Variants in NDC80 observed in about 807,000 individuals in gnomAD.
NDC80 encodes the protein NDC80 kinetochore complex component, also known as kinetochore protein NDC80 homolog.
Under a neutral mutation model 89.3 loss-of-function variants are expected in NDC80, and 69 were observed. The ratio of observed to expected loss-of-function variants is 0.77; its 90% CI spans 0.64 to 0.94. NDC80 has a LOEUF of 0.94. Ranked by LOEUF, NDC80 falls within the 40% of genes least tolerant of loss-of-function variation. The probability of loss-of-function intolerance (pLI) is 0.00; values close to 1 mark genes in which losing one functional copy is unlikely to be tolerated. For missense variants in NDC80, 593 were observed against 739.6 expected (o/e 0.80, Z 2.30); for synonymous variants, 243 against 255.6 (o/e 0.95, Z 0.47).
intron 7 of NDC80, among the ~76,000 whole-genome samples, chr18:2,586,739 A>G: frequency 6.8e-6 from 1 of 146,962 alleles, no homozygotes; most frequent in East Asian, 2.0e-4. Context: ...CAAAAAAAAA[A>G]GTGTTAAATG....
At chr18:2,572,375 T>C (rs916940488) in intron 1 of NDC80, among the ~76,000 whole-genome samples, 2 of 152,208 alleles carry the variant, frequency 1.3e-5, no homozygotes, top group Non-Finnish European at 1.5e-5. Context: ...TAATGTGGTT[T>C]GTAAATGGAG....
intron 1 of NDC80, among the ~76,000 whole-genome samples, chr18:2,572,673 G>C (rs925845464): frequency 9.9e-5 from 15 of 152,212 alleles, no homozygotes; most frequent in African/African-American, 3.6e-4. Context: ...GGATACCCTT[G>C]TGAAGGCAAA....
At chr18:2,600,034 T>C (rs963675145) in intron 12 of NDC80, among the ~76,000 whole-genome samples, 2 of 152,128 alleles carry the variant, frequency 1.3e-5, no homozygotes, top group African/African-American at 4.8e-5. Flanking sequence ...AAAAAATACA[T>C]CCAGTAAACA....
At chr18:2,579,804 G>A (rs549439365) in intron 6 of NDC80, among the ~76,000 whole-genome samples, 130 of 152,200 alleles carry the variant, frequency 8.5e-4, no homozygotes, top group African/African-American at 2.6e-3. Context: ...GATACATACC[G>A]ACAAATTTTT....
At chr18:2,573,188 G>T in intron 2 of NDC80, 102 bp downstream of exon 2, 1 of 918,946 alleles carries the variant, frequency 1.1e-6, no homozygotes, top group Non-Finnish European at 1.6e-6. Context: ...GTGATGTCTT[G>T]GTGAATCTTG....
At chr18:2,586,017 T>C (rs1466622234) in intron 7 of NDC80, among the ~76,000 whole-genome samples, 1 of 152,260 alleles carries the variant, frequency 6.6e-6, no homozygotes, top group East Asian at 1.9e-4. Context: ...CCAAAAGTGG[T>C]TGAGATAAAG....
intron 16 of NDC80, among the ~76,000 whole-genome samples, chr18:2,612,868 A>G (rs2072752761): frequency 1.3e-5 from 2 of 152,276 alleles, no homozygotes; most frequent in African/African-American, 4.8e-5. Flanking sequence ...GCTTTCATAA[A>G]ATATGGAAGA....
At chr18:2,573,664 A>G (rs1174711183) in intron 2 of NDC80, among the ~76,000 whole-genome samples, 1 of 152,246 alleles carries the variant, frequency 6.6e-6, no homozygotes, top group Admixed American at 6.5e-5. Context: ...ATTCTTCTCT[A>G]GTACCGAGGT....
At chr18:2,579,557 A>C (rs1427895831) in intron 6 of NDC80, among the ~76,000 whole-genome samples, 1 of 152,016 alleles carries the variant, frequency 6.6e-6, no homozygotes, top group Non-Finnish European at 1.5e-5. Flanking sequence ...CCTCCTGAGT[A>C]GCTGGGATTA....
At position 2,573,077 on chromosome 18, in the gene NDC80, C is replaced by G. The variant is rs371386396; in HGVS notation, c.92C>G (p.Thr31Ser). 4.6e-5 allele frequency: 74 copies of G among 1,612,560 alleles called. No homozygotes were observed. The highest frequency in any genetic ancestry group is 5.8e-5 in the Non-Finnish European group (68 of 1,179,096). The change falls in exon 2 of 17, where the codon ACC becomes AGC. Residue 31 changes from threonine to serine, a missense_variant. By Grantham distance (58) the Thr-to-Ser change is moderately conservative (BLOSUM62 1). Coordinates refer to ENST00000261597, the MANE Select transcript of NDC80 (RefSeq NM_006101.3). Reference protein sequence around the residue: ...SQDVNKQGLYTPQTKEKPTFG... With the variant: ...SQDVNKQGLYSPQTKEKPTFG... ...GATGTAAATAAACAAGGCCTCTATACCCCTCAAACGTGAGTATTTCCCTTG... is the reference window on the plus strand; with the variant it reads ...GATGTAAATAAACAAGGCCTCTATAGCCCTCAAACGTGAGTATTTCCCTTG...
At chr18:2,585,695 G>A (rs1271493801) in intron 7 of NDC80, among the ~76,000 whole-genome samples, 1 of 151,822 alleles carries the variant, frequency 6.6e-6, no homozygotes, top group East Asian at 1.9e-4. Context: ...AATATTAATG[G>A]ATCTGTTTGA....
chr18:2,590,217 C>T, intron 10 of NDC80, 55 bp downstream of exon 10: 1 of 1,456,988 alleles, frequency 6.9e-7, no homozygotes, highest in Non-Finnish European at 9.2e-7. Flanking sequence ...GGATTTGTCA[C>T]ATGTAAAAAC....
chr18:2,578,261 C>T, intron 5 of NDC80, 120 bp downstream of exon 5: 1 of 869,688 alleles, frequency 1.1e-6, no homozygotes, highest in Non-Finnish European at 1.7e-6. Flanking sequence ...CCACTGTGGG[C>T]AATATATGTA....
In NDC80 at chr18:2,593,013, GGTGTGTGTGTGTGT is replaced by G. The variant is rs56851912; in HGVS notation, c.1016-2374_1016-2361del. On this transcript the variant is annotated intron_variant, in intron 10 of 16. Transcript: ENST00000261597. ...TGTCAGTAAAATATGAATAAACTCT[GGTGTGTGTGTGTGT>G]GTGTGTGTGTGTGTGTGTGTGTGTG... 6.7e-3 allele frequency among the ~76,000 whole-genome samples: 726 copies of G among 108,396 alleles called. 3 individuals are homozygous for G. Among genetic ancestry groups the G allele is most frequent in the African/African-American group, 7.5e-3 (201 of 26,630 alleles). The allele number at this position is 108,396 out of a possible 152,430, so 71.1% of individuals were successfully genotyped here.
intron 13 of NDC80, 69 bp downstream of exon 13, chr18:2,601,554 T>G: frequency 1.4e-6 from 1 of 711,194 alleles, no homozygotes; most frequent in Non-Finnish European, 2.1e-6. Flanking sequence ...TTAAAAGTTA[T>G]TTATGGTTTC....
At chr18:2,614,641 G>GAAAGAAAGGAAGAAAGAAAGAA (rs2072774110) in intron 16 of NDC80, among the ~76,000 whole-genome samples, 1 of 77,516 alleles carries the variant, frequency 1.3e-5, no homozygotes, top group Non-Finnish European at 2.5e-5. Context: ...AAGAAAGAAA[G>GAAAGAAAGGAAGAAAGAAAGAA]AAAGAAAGAA....
intron 11 of NDC80, among the ~76,000 whole-genome samples, chr18:2,598,760 A>C (rs1229339695): frequency 6.6e-6 from 1 of 152,200 alleles, no homozygotes; most frequent in East Asian, 1.9e-4. Flanking sequence ...CTCTTATTCC[A>C]AGCTGTCAGA....
At chr18:2,609,470 C>T (rs986509259) in intron 15 of NDC80, among the ~76,000 whole-genome samples, 1 of 152,056 alleles carries the variant, frequency 6.6e-6, no homozygotes, top group Non-Finnish European at 1.5e-5. Context: ...AGTTCAAGGC[C>T]ATCCTGGGCA....
chr18:2,583,013 A>T (rs546601094), intron 6 of NDC80: 9 of 152,348 alleles, frequency 5.9e-5, no homozygotes, highest in African/African-American at 1.9e-4. Context: ...GTTAGTGATC[A>T]AAGTGGACTT....
Sources: allele counts gnomAD v4.1 joint callset (sites outside exome capture counted in the v4.1 genomes callset), GRCh38; gene constraint gnomAD v4.1.1; transcripts MANE v1.5; gene names NCBI Gene and HGNC (gene_info 2026-07-23, HGNC 2026-07-21).